The following ROBO2 variants were observed in gnomAD, a reference collection of about 807,000 sequenced individuals.
ROBO2 encodes the protein roundabout homolog 2.
A neutral mutation model predicts 160.8 loss-of-function variants in ROBO2; 53 were observed. The observed-to-expected ratio is 0.33, with a 90% CI of 0.26 to 0.41. ROBO2 has a LOEUF of 0.41. ROBO2 is among the 10% of genes least tolerant of loss of function. ROBO2 has a pLI of 1.00. For synonymous variants in ROBO2, 664 were observed against 611.7 expected (o/e 1.09, Z -1.26); for missense variants, 1,577 against 1,722.4 (o/e 0.92, Z 1.49).
rs558667102 is a variant in ROBO2 at position 76,506,516 on chromosome 3, A to C, written c.109+568914A>C. The stretch of plus-strand genomic sequence containing the variant: ...ACCCCATTCCAGTTATTCAAGGACT[A>C]ATTCAAGTGCTGCTTTGCCTCATGA... On this transcript the variant is annotated intron_variant, in intron 2 of 26. Coordinates refer to the ROBO2 transcript ENST00000487694. 4.2e-4 allele frequency among the ~76,000 whole-genome samples: 64 copies of C among 152,304 alleles called. 1 individual carries two copies. The highest frequency in any genetic ancestry group is 1.5e-3 in the African/African-American group (62 of 41,576).
intron 2 of ROBO2, among the ~76,000 whole-genome samples, chr3:76,088,276 T>G (rs940902745): frequency 6.6e-6 from 1 of 152,012 alleles, no homozygotes; most frequent in Non-Finnish European, 1.5e-5. Context: ...ACTCTTATAA[T>G]TAGAGACCTT....
intron 2 of ROBO2, among the ~76,000 whole-genome samples, chr3:76,306,089 T>C (rs940420456): frequency 3.3e-5 from 5 of 152,176 alleles, no homozygotes; most frequent in African/African-American, 1.2e-4. Flanking sequence ...CAAATGTCTT[T>C]TTGAGGTTAA....
In ROBO2 at chr3:77,346,542, T is replaced by C. The variant is rs549844899; in HGVS notation, c.389-130872T>C. Among the ~76,000 whole-genome samples the C allele has an allele frequency of 2.9e-3, 438 of 152,292 alleles. 2 individuals are homozygous for C. The highest frequency in any genetic ancestry group is 0.01 in the African/African-American group (416 of 41,586). On this transcript the variant is annotated intron_variant, in intron 2 of 25. Transcript: ENST00000461745. ...ACCACACTCATTTATTATTTTACAT[T>C]TCTGTAGGTAAGAAGTTTAGGCTCA...
At chr3:75,939,649 T>A (rs1947951805) in intron 2 of ROBO2, among the ~76,000 whole-genome samples, 1 of 152,162 alleles carries the variant, frequency 6.6e-6, no homozygotes, top group African/African-American at 2.4e-5. Flanking sequence ...GGTAGCTAGA[T>A]TGAGTGAAGG....
chr3:77,224,262 A>C lies in ROBO2; in HGVS notation c.388+125922A>C, dbSNP rs1414168304. 2.0e-5 allele frequency among the ~76,000 whole-genome samples: 3 copies of C among 152,016 alleles called. No individual in the cohort carries two copies. The East Asian group carries it at 5.8e-4, about 29-fold the overall frequency. Reference sequence around the variant, plus strand: ...ATCCAAATCTCTGAATTTATTTACCATGTTGTCCCAATCGAAAGGCATTGA... The same window carrying C: ...ATCCAAATCTCTGAATTTATTTACCCTGTTGTCCCAATCGAAAGGCATTGA... On this transcript the variant is annotated intron_variant, in intron 2 of 25. Transcript: ENST00000461745.
intron 2 of ROBO2, among the ~76,000 whole-genome samples, chr3:76,902,736 A>T (rs1488915556): frequency 6.6e-6 from 1 of 151,244 alleles, no homozygotes; most frequent in East Asian, 1.9e-4. Context: ...CTTGACCACT[A>T]TCCAATTCTT....
At chr3:76,186,203 G>A (rs1426201425) in intron 2 of ROBO2, among the ~76,000 whole-genome samples, 1 of 151,950 alleles carries the variant, frequency 6.6e-6, no homozygotes, top group Non-Finnish European at 1.5e-5. Context: ...AAAGTGCTAG[G>A]ATTACAGGGG....
chr3:77,050,661 T>G (rs1304742953), intron 1 of ROBO2, among the ~76,000 whole-genome samples: 3 of 151,702 alleles, frequency 2.0e-5, no homozygotes, highest in Admixed American at 6.6e-5. Flanking sequence ...CAAAACATTT[T>G]TTTTTTTTTG....
chr3:76,550,876 G>A (rs1246726855), intron 2 of ROBO2, among the ~76,000 whole-genome samples: 1 of 152,216 alleles, frequency 6.6e-6, no homozygotes, highest in African/African-American at 2.4e-5. Flanking sequence ...ATCCCTGGGG[G>A]AGCTGAGGGC....
At chr3:77,250,595 C>T (rs576857066) in intron 2 of ROBO2, among the ~76,000 whole-genome samples, 3 of 152,308 alleles carry the variant, frequency 2.0e-5, no homozygotes, top group Non-Finnish European at 2.9e-5. Flanking sequence ...TGTTAACTGA[C>T]TGTCTTAGTC....
chr3:76,512,063 A>G (rs930473114), intron 2 of ROBO2, among the ~76,000 whole-genome samples: 10 of 152,126 alleles, frequency 6.6e-5, no homozygotes, highest in Non-Finnish European at 1.0e-4. Context: ...ATAACAGAAC[A>G]AAACATCATG....
In ROBO2 at chr3:76,622,271, A is replaced by G. The variant is rs1306166666; in HGVS notation, c.110-475743A>G. Among the ~76,000 whole-genome samples, 21 of 53,316 alleles carry G rather than the reference A, an allele frequency of 3.9e-4. 1 individual carries two copies. The highest frequency in any genetic ancestry group is 4.4e-4 in the African/African-American group (6 of 13,660). 35.0% of individuals were successfully genotyped at this position (53,316 alleles called of 152,430 possible). A position where few individuals can be genotyped will look rare whatever the true frequency, so the allele number is the denominator to read the frequency against. ...GAAAGAAAGAAAGAAAGAAAGAAAG[A>G]AAGAAAGAAAGAAAGAAAGAAAGAA... On this transcript the variant is annotated intron_variant, in intron 2 of 26. Transcript: ENST00000487694.
chr3:77,204,301 T>C (rs931495100), intron 2 of ROBO2, among the ~76,000 whole-genome samples: 2 of 152,166 alleles, frequency 1.3e-5, no homozygotes, highest in Non-Finnish European at 2.9e-5. Flanking sequence ...AACTAAAATA[T>C]GTTACTTTTT....
At chr3:77,438,957 T>A (rs2079617865) in intron 2 of ROBO2, among the ~76,000 whole-genome samples, 1 of 152,080 alleles carries the variant, frequency 6.6e-6, no homozygotes, top group African/African-American at 2.4e-5. Flanking sequence ...TCTGTAGTGT[T>A]CTATGTGGTC....
At chr3:76,690,732 C>T (rs2092784128) in intron 2 of ROBO2, among the ~76,000 whole-genome samples, 1 of 152,050 alleles carries the variant, frequency 6.6e-6, no homozygotes, top group African/African-American at 2.4e-5. Context: ...TATTGTATCC[C>T]TAGTACCTTA....
At chr3:76,334,356 T>C (rs1322377136) in intron 2 of ROBO2, among the ~76,000 whole-genome samples, 1 of 152,134 alleles carries the variant, frequency 6.6e-6, no homozygotes, top group Non-Finnish European at 1.5e-5. Flanking sequence ...GATGTAGAAG[T>C]TGGTGAATGT....
intron 2 of ROBO2, among the ~76,000 whole-genome samples, chr3:76,030,423 A>G (rs1405532232): frequency 6.6e-6 from 1 of 152,112 alleles, no homozygotes; most frequent in Non-Finnish European, 1.5e-5. Context: ...TTGGTGTTTT[A>G]GTCATGAAGT....
intron 2 of ROBO2, among the ~76,000 whole-genome samples, chr3:76,472,392 A>T (rs2078712258): frequency 6.6e-6 from 1 of 152,154 alleles, no homozygotes; most frequent in Non-Finnish European, 1.5e-5. Context: ...AAATAATATT[A>T]TTCTGAGAAA....
intron 2 of ROBO2, among the ~76,000 whole-genome samples, chr3:76,340,406 T>C (rs978376117): frequency 2.6e-5 from 4 of 152,156 alleles, no homozygotes; most frequent in Non-Finnish European, 5.9e-5. Flanking sequence ...CATAATATTT[T>C]AGCCAATCCT....
Sources: allele counts gnomAD v4.1 joint callset (sites outside exome capture counted in the v4.1 genomes callset), GRCh38; gene constraint gnomAD v4.1.1; transcripts MANE v1.5; gene names NCBI Gene and HGNC (gene_info 2026-07-23, HGNC 2026-07-21).